The following RTN1 variants were observed in gnomAD, a reference collection of about 807,000 sequenced individuals.
RTN1 encodes the protein reticulon 1, also known as reticulon-1.
In RTN1, 25 loss-of-function variants were observed where a neutral mutation model predicts 65.5. The ratio of observed to expected loss-of-function variants is 0.38; its 90% CI spans 0.28 to 0.53. The LOEUF (loss-of-function observed/expected upper bound fraction) is 0.53. RTN1 is among the 20% of genes least tolerant of loss of function. The probability of loss-of-function intolerance (pLI) is 0.79; values close to 1 mark genes in which losing one functional copy is unlikely to be tolerated. For synonymous variants in RTN1, 471 were observed against 447.6 expected (o/e 1.05, Z -0.66); for missense variants, 983 against 1,025.4 (o/e 0.96, Z 0.57).
chr14:59,735,438 G>T (rs1363755870), intron 2 of RTN1, among the ~76,000 whole-genome samples: 1 of 152,134 alleles, frequency 6.6e-6, no homozygotes, highest in Non-Finnish European at 1.5e-5. Flanking sequence ...AAGACACAAA[G>T]TGGCAGGCTG....
At chr14:59,715,707 T>C (rs1033183564) in intron 3 of RTN1, among the ~76,000 whole-genome samples, 1 of 152,014 alleles carries the variant, frequency 6.6e-6, no homozygotes, top group Non-Finnish European at 1.5e-5. Flanking sequence ...GCACCTGTAA[T>C]CCTAGCTACT....
chr14:59,668,404 A>T (rs1883427568), intron 3 of RTN1, among the ~76,000 whole-genome samples: 1 of 152,212 alleles, frequency 6.6e-6, no homozygotes, highest in Non-Finnish European at 1.5e-5. Flanking sequence ...AGCCACATGT[A>T]GAAAGCTGAA....
chr14:59,618,204 T>C (rs1882158388), intron 3 of RTN1, among the ~76,000 whole-genome samples: 1 of 152,228 alleles, frequency 6.6e-6, no homozygotes, highest in Non-Finnish European at 1.5e-5. Flanking sequence ...CTAGATTGCC[T>C]TTGCAGGACT....
chr14:59,681,287 A>G (rs1208264616), intron 3 of RTN1, among the ~76,000 whole-genome samples: 1 of 152,154 alleles, frequency 6.6e-6, no homozygotes, highest in African/African-American at 2.4e-5. Context: ...TCTAACAAAA[A>G]CAAGTCAGTT....
intron 3 of RTN1, among the ~76,000 whole-genome samples, chr14:59,665,713 C>G (rs929710550): frequency 1.3e-5 from 2 of 152,050 alleles, no homozygotes; most frequent in African/African-American, 4.8e-5. Flanking sequence ...CATGCAAAGA[C>G]ACACATAAGC....
intron 1 of RTN1, among the ~76,000 whole-genome samples, chr14:59,869,581 G>C (rs996744711): frequency 1.7e-5 from 1 of 57,538 alleles, no homozygotes; most frequent in Admixed American, 1.7e-4. Context: ...TTCCGGGGTG[G>C]GGGGGGGGGG....
At chr14:59,715,902 T>C (rs778152979) in intron 3 of RTN1, among the ~76,000 whole-genome samples, 3 of 152,174 alleles carry the variant, frequency 2.0e-5, no homozygotes, top group Non-Finnish European at 4.4e-5. Flanking sequence ...TTAGACTATT[T>C]TACTTATATC....
At chr14:59,706,318 T>A (rs1158050666) in intron 3 of RTN1, among the ~76,000 whole-genome samples, 1 of 152,158 alleles carries the variant, frequency 6.6e-6, no homozygotes, top group African/African-American at 2.4e-5. Context: ...TTAGTCTTCC[T>A]CTGAAATTGC....
At chr14:59,603,689 C>A in intron 6 of RTN1, 163 bp downstream of exon 6, 1 of 460,092 alleles carries the variant, frequency 2.2e-6, no homozygotes, top group South Asian at 3.3e-5. Flanking sequence ...ATATATTATA[C>A]TCTTTAATTG....
intron 1 of RTN1, among the ~76,000 whole-genome samples, chr14:59,750,086 C>T (rs1182319522): frequency 2.8e-4 from 20 of 70,736 alleles, no homozygotes; most frequent in African/African-American, 6.1e-4. Context: ...ATATTATAGA[C>T]ATATATATTA....
intron 3 of RTN1, among the ~76,000 whole-genome samples, chr14:59,705,635 T>C (rs188554632): frequency 6.6e-6 from 1 of 152,286 alleles, no homozygotes; most frequent in African/African-American, 2.4e-5. Context: ...AAAACAGGCA[T>C]AGAAAAATTA....
At chr14:59,731,091 G>T (rs1178127771) in intron 2 of RTN1, among the ~76,000 whole-genome samples, 1 of 151,862 alleles carries the variant, frequency 6.6e-6, no homozygotes, top group East Asian at 1.9e-4. Flanking sequence ...AGCCAGAAAA[G>T]GTAGAAACAA....
intron 3 of RTN1, among the ~76,000 whole-genome samples, chr14:59,670,449 A>C (rs904431143): frequency 6.6e-6 from 1 of 152,250 alleles, no homozygotes; most frequent in Non-Finnish European, 1.5e-5. Flanking sequence ...CTTGTGGTAT[A>C]AAATAAAGTT....
intron 1 of RTN1, among the ~76,000 whole-genome samples, chr14:59,789,088 G>T (rs1886302429): frequency 6.6e-6 from 1 of 151,604 alleles, no homozygotes; most frequent in African/African-American, 2.4e-5. Context: ...TTAAAAGTAT[G>T]TTCTTCCTTC....
chr14:59,855,284 T>C (rs1354505079), intron 1 of RTN1, among the ~76,000 whole-genome samples: 1 of 152,226 alleles, frequency 6.6e-6, no homozygotes, highest in Non-Finnish European at 1.5e-5. Context: ...ATTGTTTCTC[T>C]TCAAATTCAC....
At chr14:59,840,611 C>T (rs2139651446) in intron 1 of RTN1, among the ~76,000 whole-genome samples, 1 of 152,334 alleles carries the variant, frequency 6.6e-6, no homozygotes, top group Non-Finnish European at 1.5e-5. Flanking sequence ...TCTTATATCA[C>T]TTCAGACTTT....
chr14:59,719,195 C>T (rs1157981170), intron 3 of RTN1, among the ~76,000 whole-genome samples: 1 of 152,236 alleles, frequency 6.6e-6, no homozygotes, highest in Non-Finnish European at 1.5e-5. Context: ...TGGAAGGGCA[C>T]TGCCAATCTT....
chr14:59,664,230 C>T (rs1883313392), intron 3 of RTN1, among the ~76,000 whole-genome samples: 2 of 152,072 alleles, frequency 1.3e-5, no homozygotes, highest in African/African-American at 2.4e-5. Context: ...GAAAACCAAA[C>T]ACTGCATGTT....
chr14:59,805,436 C>G (rs764496914), intron 1 of RTN1, among the ~76,000 whole-genome samples: 4 of 152,170 alleles, frequency 2.6e-5, no homozygotes, highest in Non-Finnish European at 4.4e-5. Context: ...GAGAACCTAG[C>G]TATGTCTGGC....
Sources: allele counts gnomAD v4.1 joint callset (sites outside exome capture counted in the v4.1 genomes callset), GRCh38; gene constraint gnomAD v4.1.1; transcripts MANE v1.5; gene names NCBI Gene and HGNC (gene_info 2026-07-23, HGNC 2026-07-21).